Variants in PTN observed in about 807,000 individuals in gnomAD.
PTN encodes the protein heparin affin regulatory protein.
A neutral mutation model predicts 24.1 loss-of-function variants in PTN; 18 were observed. That is an observed-to-expected ratio of 0.75 (90% CI 0.52 to 1.11). The LOEUF (loss-of-function observed/expected upper bound fraction) is 1.11. Ranked by LOEUF, PTN falls within the 50% of genes least tolerant of loss-of-function variation. PTN has a pLI of 0.00. For missense variants in PTN, 163 were observed against 198.8 expected, an observed-to-expected ratio of 0.82 and a Z score of 1.08; for synonymous variants, 78 against 68.6, an observed-to-expected ratio of 1.14 and a Z score of -0.67.
chr7:137,276,404 C>A (rs1809359990), intron 1 of PTN, among the ~76,000 whole-genome samples: 1 of 152,142 alleles, frequency 6.6e-6, no homozygotes, highest in African/African-American at 2.4e-5. Context: ...ACAGTCCAGG[C>A]TCTGTTCTCA....
At chr7:137,302,832 A>G (rs901845911) in intron 1 of PTN, among the ~76,000 whole-genome samples, 8 of 152,002 alleles carry the variant, frequency 5.3e-5, no homozygotes, top group Non-Finnish European at 8.8e-5. Flanking sequence ...CAGTTGCATA[A>G]ATAGCTCAAA....
chr7:137,253,625 T>C lies in PTN; in HGVS notation c.128A>G (p.Lys43Arg). ...GKKEKPEKKV[K>R]KSDCGEWQWS... is the part of the protein sequence containing the mutation. ...CTGCCATTCTCCACAGTCAGACTTCTTCACTTTTTTTTCTGAATGAAAGGA... is the reference window on the plus strand; with the variant it reads ...CTGCCATTCTCCACAGTCAGACTTCCTCACTTTTTTTTCTGAATGAAAGGA... Residue 43 changes from lysine to arginine, a missense_variant, in exon 3 of 5, where the codon AAG becomes AGG. Lys to Arg is a conservative substitution (Grantham distance 26). Transcript: ENST00000348225. The C allele has an allele frequency of 1.3e-6, 2 of 1,545,150 alleles. No individual in the cohort carries two copies. The highest frequency in any genetic ancestry group is 1.8e-6 in the Non-Finnish European group (2 of 1,140,624).
At chr7:137,229,661 T>C (rs543209888) in intron 4 of PTN, among the ~76,000 whole-genome samples, 5 of 151,938 alleles carry the variant, frequency 3.3e-5, no homozygotes, top group South Asian at 2.1e-4. Flanking sequence ...TTGTCCATAA[T>C]TGTATTCATT....
At chr7:137,277,761 G>A (rs1809385449) in intron 1 of PTN, among the ~76,000 whole-genome samples, 1 of 151,960 alleles carries the variant, frequency 6.6e-6, no homozygotes. Context: ...ATATAGATAA[G>A]GTACCACTAT....
chr7:137,239,081 T>C (rs1808573725), intron 4 of PTN, among the ~76,000 whole-genome samples: 1 of 152,180 alleles, frequency 6.6e-6, no homozygotes, highest in African/African-American at 2.4e-5. Context: ...GACACACAGT[T>C]TGAAGTAAAC....
chr7:137,343,276 C>T (rs1210314123), intron 1 of PTN, among the ~76,000 whole-genome samples, 163 bp downstream of exon 1: 1 of 152,246 alleles, frequency 6.6e-6, no homozygotes, highest in Admixed American at 6.5e-5. Flanking sequence ...CTCCCTTGGC[C>T]TCTGGAGCAA....
chr7:137,262,601 C>T (rs1490729243), intron 1 of PTN, among the ~76,000 whole-genome samples: 4 of 151,700 alleles, frequency 2.6e-5, no homozygotes, highest in African/African-American at 7.3e-5. Flanking sequence ...AGCAGCCTAG[C>T]GTCTTAAAAT....
chr7:137,251,021 C>A (rs1002848740), intron 4 of PTN, among the ~76,000 whole-genome samples: 1 of 152,204 alleles, frequency 6.6e-6, no homozygotes, highest in African/African-American at 2.4e-5. Flanking sequence ...CCAATCCCCT[C>A]ATCTATGCAG....
At chr7:137,326,770 A>G (rs1273197635) in intron 1 of PTN, 2 of 152,172 alleles carry the variant, frequency 1.3e-5, no homozygotes, top group Non-Finnish European at 2.9e-5. Flanking sequence ...ACAAGTGCAT[A>G]TCTAGTTCAT....
intron 3 of PTN, among the ~76,000 whole-genome samples, chr7:137,253,143 C>T (rs1290002066): frequency 2.0e-5 from 3 of 152,160 alleles, no homozygotes; most frequent in South Asian, 2.1e-4. Context: ...TGGTTCCCAA[C>T]CAGGGATGAT....
At chr7:137,240,663 G>A (rs945452301) in intron 4 of PTN, among the ~76,000 whole-genome samples, 1 of 152,180 alleles carries the variant, frequency 6.6e-6, no homozygotes, top group African/African-American at 2.4e-5. Context: ...GTATGGCTGG[G>A]GCAAAGTTTG....
intron 4 of PTN, among the ~76,000 whole-genome samples, chr7:137,246,440 C>A (rs962157465): frequency 1.3e-5 from 2 of 152,140 alleles, no homozygotes; most frequent in Non-Finnish European, 2.9e-5. Flanking sequence ...TAGAACATAT[C>A]CCTGTTGTTA....
intron 1 of PTN, among the ~76,000 whole-genome samples, chr7:137,269,050 T>C (rs940138805): frequency 2.0e-5 from 3 of 152,212 alleles, no homozygotes; most frequent in African/African-American, 7.2e-5. Context: ...GGTCTTCCCC[T>C]TTTTCTGTTC....
intron 1 of PTN, among the ~76,000 whole-genome samples, chr7:137,278,014 A>G (rs1351123916): frequency 1.3e-5 from 2 of 152,160 alleles, no homozygotes; most frequent in Admixed American, 1.3e-4. Context: ...ATTTTTTAAA[A>G]AATGACTACT....
rs113592808 is a variant in PTN at position 137,277,233 on chromosome 7, C to G, written c.-1-22259G>C. Among the ~76,000 whole-genome samples, 1,117 of 152,260 alleles carry G rather than the reference C, an allele frequency of 7.3e-3. 10 individuals carry two copies. Among genetic ancestry groups the G allele is most frequent in the African/African-American group, 0.026 (1,072 of 41,538 alleles). On this transcript the variant is annotated intron_variant, in intron 1 of 4. Transcript: ENST00000348225. ...TCTTCAATATGATATCACTATGTAGCCCACTCAACTAACCAAAATTCACAG... is the reference window on the plus strand; with the variant it reads ...TCTTCAATATGATATCACTATGTAGGCCACTCAACTAACCAAAATTCACAG...
intron 1 of PTN, among the ~76,000 whole-genome samples, chr7:137,268,855 T>G (rs1218463558): frequency 6.6e-6 from 1 of 152,246 alleles, no homozygotes; most frequent in Non-Finnish European, 1.5e-5. Context: ...TATTTCCCCT[T>G]AATTCTTTCC....
At chr7:137,340,332 G>A (rs1810514795) in intron 1 of PTN, among the ~76,000 whole-genome samples, 1 of 152,038 alleles carries the variant, frequency 6.6e-6, no homozygotes, top group Admixed American at 6.6e-5. Flanking sequence ...TTTACTAAAT[G>A]CCAAAATAGA....
chr7:137,326,321 C>T (rs1351708619), intron 1 of PTN: 2 of 152,186 alleles, frequency 1.3e-5, no homozygotes, highest in South Asian at 2.1e-4. Flanking sequence ...CCTACATTTC[C>T]CCTTTCTATC....
At chr7:137,339,477 C>T (rs1810500043) in intron 1 of PTN, among the ~76,000 whole-genome samples, 1 of 148,948 alleles carries the variant, frequency 6.7e-6, no homozygotes, top group Admixed American at 6.8e-5. Flanking sequence ...TCCAGCTGCG[C>T]CTCTACATTG....
Sources: gnomAD v4.1 joint callset for allele counts (sites outside exome capture counted in the v4.1 genomes callset) on GRCh38, gnomAD v4.1.1 for gene constraint, MANE v1.5 for transcripts, NCBI Gene and HGNC (gene_info 2026-07-23, HGNC 2026-07-21) for gene names.